The following PIK3R5 variants were observed in gnomAD, a reference collection of about 807,000 sequenced individuals.
PIK3R5 encodes phosphoinositide 3-kinase regulatory subunit 5.
In PIK3R5, 32 loss-of-function variants were observed where a neutral mutation model predicts 94.9. That is an observed-to-expected ratio of 0.34 (90% CI 0.25 to 0.45). PIK3R5 has a LOEUF of 0.45. Among genes scored for constraint, PIK3R5 ranks in the 20% least tolerant of loss-of-function variants. PIK3R5 has a pLI of 1.00. For missense variants in PIK3R5, 853 were observed against 1,144.6 expected (o/e 0.75, Z 3.68); for synonymous variants, 443 against 479.4 (o/e 0.92, Z 0.99).
chr17:8,885,051 G>A (rs867388102), intron 14 of PIK3R5: 8 of 452,166 alleles, frequency 1.8e-5, no homozygotes, highest in East Asian at 8.5e-5. Flanking sequence ...CCCCATCTCC[G>A]CTGTGATCAC....
At chr17:8,895,384 G>A (rs998311278) in intron 5 of PIK3R5, among the ~76,000 whole-genome samples, 2 of 152,068 alleles carry the variant, frequency 1.3e-5, no homozygotes, top group Admixed American at 6.6e-5. Flanking sequence ...ACATCCAGGC[G>A]GTCATACTCC....
chr17:8,885,851 C>A (rs1231675705), intron 14 of PIK3R5, among the ~76,000 whole-genome samples: 10 of 119,304 alleles, frequency 8.4e-5, no homozygotes, highest in Non-Finnish European at 1.5e-4. Flanking sequence ...GGCCCCGCCT[C>A]CTGGGTAACT....
chr17:8,895,057 G>A (rs748335394), intron 5 of PIK3R5, among the ~76,000 whole-genome samples: 1 of 152,092 alleles, frequency 6.6e-6, no homozygotes, highest in Non-Finnish European at 1.5e-5. Flanking sequence ...AGAAGTTAAC[G>A]TTTGGTCCAT....
intron 5 of PIK3R5, among the ~76,000 whole-genome samples, chr17:8,899,368 C>T (rs1597386853): frequency 6.6e-6 from 1 of 152,340 alleles, no homozygotes; most frequent in East Asian, 1.9e-4. Context: ...CACGTCCCTT[C>T]TCATTTCTCC....
chr17:8,944,034 C>T (rs2151461877), intron 1 of PIK3R5, among the ~76,000 whole-genome samples: 1 of 152,160 alleles, frequency 6.6e-6, no homozygotes, highest in East Asian at 1.9e-4. Context: ...TGATCTTCTC[C>T]CTCTTCCCAC....
chr17:8,937,150 T>G (rs1342999379), intron 1 of PIK3R5, among the ~76,000 whole-genome samples: 1 of 152,264 alleles, frequency 6.6e-6, no homozygotes, highest in Non-Finnish European at 1.5e-5. Context: ...TGTTGTTTTT[T>G]GTCATTGTTG....
chr17:8,885,267 G>A (rs1292626344), intron 14 of PIK3R5, among the ~76,000 whole-genome samples: 1 of 150,960 alleles, frequency 6.6e-6, no homozygotes, highest in Non-Finnish European at 1.5e-5. Flanking sequence ...CCTCCCCAGG[G>A]CCCTGCCTTC....
intron 1 of PIK3R5, among the ~76,000 whole-genome samples, chr17:8,964,781 G>A (rs2091635457): frequency 6.6e-6 from 1 of 152,188 alleles, no homozygotes; most frequent in East Asian, 1.9e-4. Context: ...TCAGTCCAGA[G>A]AGGACCTTGG....
At chr17:8,897,555 A>G (rs886999715) in intron 5 of PIK3R5, among the ~76,000 whole-genome samples, 1 of 152,216 alleles carries the variant, frequency 6.6e-6, no homozygotes, top group African/African-American at 2.4e-5. Context: ...CCCTAACAGG[A>G]CCAATCCAGG....
Position 8,884,641 on chromosome 17 carries a change from A to G in PIK3R5, c.2205+66T>C. 3 of 1,325,076 alleles carry G rather than the reference A, an allele frequency of 2.3e-6. No individual in the cohort carries two copies. The highest frequency in any genetic ancestry group is 3.2e-6 in the Non-Finnish European group (3 of 923,926). The allele number at this position is 1,325,076 out of a possible 1,614,324, so 82.1% of individuals were successfully genotyped here. ...AACACACGAGTCCAGCTCTGGGTCC[A>G]AGCTCTGGCGGAGGAAGTATCAGCA... On this transcript the variant is annotated intron_variant, in intron 15 of 18. Transcript: ENST00000447110. The surrounding 1 kb of genome is among the most constrained non-coding windows in gnomAD (Gnocchi z 5.8).
chr17:8,881,072 C>T lies in PIK3R5; in HGVS notation c.2383-55G>A. On this transcript the variant is annotated intron_variant, in intron 17 of 18. Transcript: ENST00000447110. This position sits in a 1 kb window ranked among gnomAD's most constrained non-coding sequence, Gnocchi z 4.8. ...TCCCTGGCCATCCAACACTGCCAGC[C>T]CCTGGCAGTTCCTTTTCTCAGAACT... is the stretch of plus-strand genomic sequence containing the variant. 7.7e-7 allele frequency: 1 copy of T among 1,298,550 alleles called. No homozygotes were observed. The allele number at this position is 1,298,550 out of a possible 1,614,324, so 80.4% of individuals were successfully genotyped here. A position where few individuals can be genotyped will look rare whatever the true frequency, so the allele number is the denominator to read the frequency against.
In PIK3R5 at chr17:8,909,188, G is replaced by A; in HGVS notation, c.104-14C>T. ...GACACAGCCCAGCTGGAAAAGGAGA[G>A]AGAGGCAAGGGGTCAGTTCTGGTGT... On this transcript the variant is annotated splice_polypyrimidine_tract_variant and intron_variant, in intron 2 of 18. Transcript: ENST00000447110. This position sits in a 1 kb window ranked among gnomAD's most constrained non-coding sequence, Gnocchi z 4.3. 1 of 1,545,672 alleles carries A rather than the reference G, an allele frequency of 6.5e-7. No homozygotes were observed. Among genetic ancestry groups the A allele is most frequent in the African/African-American group, 1.4e-5 (1 of 73,208 alleles).
At chr17:8,923,518 C>T (rs1020400025) in intron 1 of PIK3R5, among the ~76,000 whole-genome samples, 1 of 152,090 alleles carries the variant, frequency 6.6e-6, no homozygotes, top group Non-Finnish European at 1.5e-5. Flanking sequence ...ATTTAGCTTC[C>T]CCATGCAAGT....
At chr17:8,930,223 T>G (rs2090963258) in intron 1 of PIK3R5, among the ~76,000 whole-genome samples, 1 of 152,142 alleles carries the variant, frequency 6.6e-6, no homozygotes, top group Non-Finnish European at 1.5e-5. Context: ...TACTTAAAAA[T>G]AACTGAAATC....
intron 1 of PIK3R5, among the ~76,000 whole-genome samples, chr17:8,941,272 A>G (rs1288203519): frequency 1.3e-5 from 2 of 152,170 alleles, no homozygotes; most frequent in Admixed American, 1.3e-4. Context: ...CACGTGGCCA[A>G]GGTGACTCAC....
rs1295386641 is a variant in PIK3R5 at position 8,890,777 on chromosome 17, C to T, written c.618G>A (p.Gly206=). The T allele has an allele frequency of 1.8e-5, 29 of 1,612,350 alleles. No individual in the cohort carries two copies. The highest frequency in any genetic ancestry group is 1.3e-4 in the Admixed American group (8 of 59,720). The change falls in exon 7 of 19, where the codon GGG becomes GGA. Residue 206 remains glycine, a synonymous_variant. Transcript: ENST00000447110. The surrounding 1 kb of genome is among the most constrained non-coding windows in gnomAD (Gnocchi z 6.1). ...LLLHAFQATF[G]AHCDVPGLHC... is the part of the protein sequence containing the mutation. ...GCAGGCCCGGGACGTCACAGTGGGCCCCAAAGGTGGCCTGGAAGGCGTGCA... is the reference window on the plus strand; with the variant it reads ...GCAGGCCCGGGACGTCACAGTGGGCTCCAAAGGTGGCCTGGAAGGCGTGCA...
intron 1 of PIK3R5, among the ~76,000 whole-genome samples, chr17:8,941,264 C>T (rs1000089843): frequency 2.0e-5 from 3 of 152,102 alleles, no homozygotes; most frequent in East Asian, 1.9e-4. Context: ...CACAGAGGCA[C>T]GTGGCCAAGG....
At position 8,893,609 on chromosome 17, in the gene PIK3R5, G is replaced by T. The variant is rs1397515453; in HGVS notation, c.459C>A (p.Ile153=). ...RLVRAEQGLP[I]RSHRSSTVTV... ...ACACGGTGGAGCTGCGGTGACTCCT[G>T]ATGGGCAGGCCCTGCTCAGCCCTCA... Residue 153 remains isoleucine, a synonymous_variant, in exon 6 of 19, where the codon ATC becomes ATA. Coordinates refer to ENST00000447110, the MANE Select transcript of PIK3R5 (RefSeq NM_001142633.3). This position sits in a 1 kb window ranked among gnomAD's most constrained non-coding sequence, Gnocchi z 5.1. The T allele has an allele frequency of 6.2e-7, 1 of 1,613,970 alleles. No homozygotes were observed. Among genetic ancestry groups the T allele is most frequent in the Admixed American group, 1.7e-5 (1 of 60,014 alleles).
chr17:8,886,961 C>A, intron 12 of PIK3R5, 135 bp downstream of exon 12: 1 of 1,028,478 alleles, frequency 9.7e-7, no homozygotes, highest in Non-Finnish European at 1.4e-6. Context: ...CTCACCCACA[C>A]TCCCTGATCT....
Sources: allele counts gnomAD v4.1 joint callset (sites outside exome capture counted in the v4.1 genomes callset), GRCh38; gene constraint gnomAD v4.1.1; non-coding constraint Gnocchi (gnomAD v3.1); transcripts MANE v1.5; gene names NCBI Gene and HGNC (gene_info 2026-07-23, HGNC 2026-07-21).